YEATS2: variants seen among roughly 807,000 people sequenced by gnomAD.
The protein encoded by YEATS2 is YEATS domain-containing protein 2.
Under a neutral mutation model 163.2 loss-of-function variants are expected in YEATS2, and 77 were observed. The ratio of observed to expected loss-of-function variants is 0.47; its 90% CI spans 0.39 to 0.57. The LOEUF is 0.57. Ranked by LOEUF, YEATS2 falls within the 20% of genes least tolerant of loss-of-function variation. The pLI is 0.00. For synonymous variants in YEATS2, 631 were observed against 645.1 expected, an observed-to-expected ratio of 0.98 and a Z score of 0.33; for missense variants, 1,549 against 1,729.8, an observed-to-expected ratio of 0.90 and a Z score of 1.85.
At chr3:183,802,487 A>ATATGTG (rs1553884447) in intron 25 of YEATS2, 14 of 145,252 alleles carry the variant, frequency 9.6e-5, no homozygotes, top group Non-Finnish European at 1.8e-4. Context: ...TCTCTTATAT[A>ATATGTG]TGTGTGTGTG....
intron 8 of YEATS2, among the ~76,000 whole-genome samples, chr3:183,745,741 C>T (rs950053357): frequency 6.6e-6 from 1 of 152,184 alleles, no homozygotes; most frequent in Admixed American, 6.5e-5. Flanking sequence ...ACCCATTACC[C>T]TAGAGCACAG....
At chr3:183,807,761 C>A in intron 28 of YEATS2, 2 of 379,810 alleles carry the variant, frequency 5.3e-6, no homozygotes, top group South Asian at 3.9e-5. Flanking sequence ...CAGGCAGATC[C>A]CAACCATGTT....
intron 1 of YEATS2, among the ~76,000 whole-genome samples, chr3:183,708,081 A>G (rs1201911866): frequency 1.3e-5 from 2 of 151,610 alleles, no homozygotes; most frequent in Admixed American, 1.3e-4. Context: ...TATTGAGATG[A>G]TACCTCATAT....
intron 15 of YEATS2, among the ~76,000 whole-genome samples, chr3:183,769,847 A>C (rs35323257): frequency 0.2 from 30,272 of 151,590 alleles, 3,201 homozygotes; most frequent in East Asian, 0.31. Flanking sequence ...CACCACGCCC[A>C]GCTCATTCCT....
intron 7 of YEATS2, among the ~76,000 whole-genome samples, chr3:183,734,215 T>G (rs1259197204): frequency 6.6e-6 from 1 of 152,196 alleles, no homozygotes; most frequent in Non-Finnish European, 1.5e-5. Context: ...CCAGTCATAT[T>G]ACTGTGCGTA....
intron 13 of YEATS2, 68 bp from the exon 14 acceptor site, chr3:183,761,439 A>G (rs1257094862): frequency 2.2e-6 from 3 of 1,356,214 alleles, no homozygotes; most frequent in African/African-American, 1.4e-5. Context: ...TGTATTAAAT[A>G]TAAGTGACTA....
chr3:183,779,035 C>T (rs1053759659), intron 19 of YEATS2, among the ~76,000 whole-genome samples: 20 of 152,008 alleles, frequency 1.3e-4, no homozygotes, highest in African/African-American at 4.6e-4. Context: ...CTCATCCTCA[C>T]GAGTAGCTGC....
intron 1 of YEATS2, among the ~76,000 whole-genome samples, chr3:183,709,459 C>T (rs768462288): frequency 1.1e-4 from 16 of 150,878 alleles, no homozygotes; most frequent in Non-Finnish European, 2.4e-4. Flanking sequence ...CTCAGCCTCC[C>T]GAGTAGCTGG....
intron 19 of YEATS2, among the ~76,000 whole-genome samples, chr3:183,782,091 A>T (rs1423036457): frequency 6.6e-6 from 1 of 151,748 alleles, no homozygotes; most frequent in African/African-American, 2.4e-5. Context: ...ATTCTTTTTT[A>T]TTCTTGAGTT....
intron 11 of YEATS2, among the ~76,000 whole-genome samples, chr3:183,756,227 T>C (rs556661890): frequency 3.9e-5 from 6 of 152,222 alleles, no homozygotes; most frequent in Non-Finnish European, 8.8e-5. Flanking sequence ...GGAGATCTTG[T>C]TGAAGTGAGA....
intron 30 of YEATS2, chr3:183,810,206 C>T (rs1209046180): frequency 1.1e-5 from 4 of 363,786 alleles, no homozygotes; most frequent in Non-Finnish European, 2.1e-5. Context: ...TGTGTCATTC[C>T]GTTCTGCCAT....
At chr3:183,740,699 T>C (rs1196393505) in intron 8 of YEATS2, among the ~76,000 whole-genome samples, 1 of 152,178 alleles carries the variant, frequency 6.6e-6, no homozygotes, top group East Asian at 1.9e-4. Flanking sequence ...CTCCATAACA[T>C]ACAGTTGCAA....
intron 15 of YEATS2, among the ~76,000 whole-genome samples, chr3:183,763,491 A>G (rs1412745172): frequency 1.3e-5 from 2 of 152,228 alleles, no homozygotes; most frequent in African/African-American, 2.4e-5. Context: ...TGTGTATGCC[A>G]TGCTTGTATT....
Position 183,810,428 on chromosome 3 carries a change from T to C in YEATS2, c.4161-47T>C, listed in dbSNP as rs3732585. 1.2e-3 allele frequency: 1,737 copies of C among 1,507,524 alleles called. 42 individuals are homozygous for C. In the East Asian group the frequency reaches 0.034, roughly 30 times the overall value. 93.4% of individuals were successfully genotyped at this position (1,507,524 alleles called of 1,614,324 possible). ...AGTTAAGTGAATAAATGATGAGATATACGTGAGAGAATTTCACCTGGTAAC... is the reference window on the plus strand; with the variant it reads ...AGTTAAGTGAATAAATGATGAGATACACGTGAGAGAATTTCACCTGGTAAC... On this transcript the variant is annotated intron_variant, in intron 30 of 30. Coordinates refer to ENST00000305135, the MANE Select transcript of YEATS2 (RefSeq NM_018023.5).
intron 22 of YEATS2, among the ~76,000 whole-genome samples, 179 bp downstream of exon 22, chr3:183,798,230 C>T (rs1725343959): frequency 6.6e-6 from 1 of 152,214 alleles, no homozygotes; most frequent in South Asian, 2.1e-4. Context: ...AATGCTAGGG[C>T]ACCAATGCCA....
At chr3:183,759,761 A>T (rs1362013360) in intron 13 of YEATS2, among the ~76,000 whole-genome samples, 1 of 152,232 alleles carries the variant, frequency 6.6e-6, no homozygotes, top group Non-Finnish European at 1.5e-5. Context: ...TTATATTCAG[A>T]TAAACCCACC....
chr3:183,777,722 C>A (rs887487081), intron 19 of YEATS2, 22 bp downstream of exon 19: 4 of 1,599,240 alleles, frequency 2.5e-6, no homozygotes, highest in Non-Finnish European at 3.4e-6. Flanking sequence ...CATGCACACA[C>A]CCCAAATATG....
chr3:183,775,832 A>T, intron 17 of YEATS2, 83 bp from the exon 18 acceptor site: 4 of 1,594,578 alleles, frequency 2.5e-6, no homozygotes, highest in Non-Finnish European at 3.4e-6. Context: ...AAAGGGAAAC[A>T]TCTCTCTGGG....
chr3:183,795,019 A>AAG (rs1418937578), intron 21 of YEATS2, among the ~76,000 whole-genome samples: 2 of 150,506 alleles, frequency 1.3e-5, no homozygotes, highest in Admixed American at 6.6e-5. Flanking sequence ...AAAAAAAAAA[A>AAG]TTAGCTGGGC....
Sources: gnomAD v4.1 joint callset for allele counts (sites outside exome capture counted in the v4.1 genomes callset) on GRCh38, gnomAD v4.1.1 for gene constraint, MANE v1.5 for transcripts, NCBI Gene and HGNC (gene_info 2026-07-23, HGNC 2026-07-21) for gene names.